The following ECT2L variants were observed in gnomAD, a reference collection of about 807,000 sequenced individuals.
ECT2L encodes the protein epithelial cell-transforming sequence 2 oncogene-like.
Under a neutral mutation model 122.8 loss-of-function variants are expected in ECT2L, and 126 were observed. The ratio of observed to expected loss-of-function variants is 1.03; its 90% CI spans 0.89 to 1.19. The LOEUF (loss-of-function observed/expected upper bound fraction) is 1.19, where lower values mean the gene tolerates loss of function less well. ECT2L is among the 50% of genes most tolerant of loss of function. ECT2L has a pLI of 0.00. For missense variants in ECT2L, 1,012 were observed against 1,064.1 expected, an observed-to-expected ratio of 0.95 and a Z score of 0.68; for synonymous variants, 385 against 381.8, an observed-to-expected ratio of 1.01 and a Z score of -0.10.
rs768541251 is a variant in ECT2L, at chr6:138,843,040, A to G, written c.404A>G (p.Asp135Gly). The change falls in exon 6 of 22, where the codon GAT (aspartate) becomes GGT (glycine). Residue 135 changes from aspartate (D) to glycine (G), a missense_variant. Coordinates refer to ENST00000541398, the MANE Select transcript of ECT2L (RefSeq NM_001077706.3). ...TGGTTTCTGCCCTATACTCCAACAG[A>G]TAATGAGTATGGTGCTTGGAAGCGC... Reference protein sequence around the residue: ...FGWFLPYTPTDNEYGAWKRHY... With the variant: ...FGWFLPYTPTGNEYGAWKRHY... The G allele has an allele frequency of 6.2e-7, 1 of 1,612,650 alleles. No individual in the cohort carries two copies.
intron 20 of ECT2L, among the ~76,000 whole-genome samples, chr6:138,891,789 AT>A (rs1779037487): frequency 7.6e-6 from 1 of 131,364 alleles, no homozygotes; most frequent in Non-Finnish European, 1.7e-5. Context: ...GGTCACCCAT[AT>A]TTGGCTCAGA....
chr6:138,877,596 T>C (rs958722410), intron 14 of ECT2L, among the ~76,000 whole-genome samples: 5 of 152,224 alleles, frequency 3.3e-5, no homozygotes, highest in Non-Finnish European at 7.3e-5. Context: ...TTTTTTACCT[T>C]ATTAGATATG....
intron 13 of ECT2L, among the ~76,000 whole-genome samples, chr6:138,869,122 G>A (rs1261992045): frequency 3.9e-5 from 6 of 152,154 alleles, no homozygotes; most frequent in South Asian, 2.1e-4. Context: ...AGCTGGGATC[G>A]TGCCATTGCA....
intron 1 of ECT2L, among the ~76,000 whole-genome samples, chr6:138,800,935 T>A (rs999617437): frequency 6.6e-6 from 1 of 152,180 alleles, no homozygotes; most frequent in Non-Finnish European, 1.5e-5. Flanking sequence ...GATGCCTTGT[T>A]GTTGCATTCT....
intron 4 of ECT2L, among the ~76,000 whole-genome samples, chr6:138,824,575 C>CAAAAAAAAAAAAAAAAAAAAAAAAAAA (rs1174829999): frequency 7.7e-6 from 1 of 130,230 alleles, no homozygotes. Flanking sequence ...AAACAAAAAA[C>CAAAAAAAAAAAAAAAAAAAAAAAAAAA]AAAAACAAAA....
intron 8 of ECT2L, among the ~76,000 whole-genome samples, chr6:138,847,127 GGGTGTGGT>G (rs1777250214): frequency 6.6e-6 from 1 of 151,206 alleles, no homozygotes; most frequent in Non-Finnish European, 1.5e-5. Flanking sequence ...AAAAATAGCC[GGGTGTGGT>G]GGTGTGTGCC....
chr6:138,875,152 G>C (rs1210554334), intron 13 of ECT2L, among the ~76,000 whole-genome samples: 1 of 152,184 alleles, frequency 6.6e-6, no homozygotes, highest in Non-Finnish European at 1.5e-5. Context: ...TACATGCCAG[G>C]CTGGTATGAG....
In ECT2L at chr6:138,902,682, A is replaced by G. The variant is rs1582681532; in HGVS notation, c.*55A>G. On this transcript the variant is annotated 3_prime_UTR_variant, in exon 22 of 22. Transcript: ENST00000541398. Reference sequence around the variant, plus strand: ...ATTCTCCCCAGCAAAGACAGACAACATGTATTTTCTGTTCCAAAATATCCA... The same window carrying G: ...ATTCTCCCCAGCAAAGACAGACAACGTGTATTTTCTGTTCCAAAATATCCA... The G allele has an allele frequency of 3.8e-6, 6 of 1,599,464 alleles. No individual in the cohort carries two copies. In the East Asian group the frequency reaches 1.3e-4, roughly 36 times the overall value.
chr6:138,888,925 T>G lies in ECT2L; in HGVS notation c.2326-18T>G, dbSNP rs201754236. 96 of 1,361,116 alleles carry G rather than the reference T, an allele frequency of 7.1e-5. No individual in the cohort carries two copies. Among genetic ancestry groups the G allele is most frequent in the Admixed American group, 2.1e-4 (8 of 38,536 alleles). 84.3% of individuals were successfully genotyped at this position (1,361,116 alleles called of 1,614,324 possible). On this transcript the variant is annotated intron_variant, in intron 19 of 21. Transcript: ENST00000541398. ...AAAAAATTTATATGTACTTCTAATT[T>G]TGTTTTTGATTTTACAGACTCTATC...
chr6:138,879,904 G>A (rs552520485), intron 14 of ECT2L, among the ~76,000 whole-genome samples: 1 of 152,220 alleles, frequency 6.6e-6, no homozygotes, highest in South Asian at 2.1e-4. Flanking sequence ...AGTGAGCTGA[G>A]ATCACACCAC....
chr6:138,798,929 A>G (rs957746658), intron 1 of ECT2L, among the ~76,000 whole-genome samples: 1 of 152,190 alleles, frequency 6.6e-6, no homozygotes, highest in Non-Finnish European at 1.5e-5. Context: ...CTGTGTTCAA[A>G]TAAGGCAAAT....
chr6:138,849,149 C>T, intron 8 of ECT2L, 120 bp from the exon 9 acceptor site: 1 of 1,022,418 alleles, frequency 9.8e-7, no homozygotes. Context: ...TATCTTCTTC[C>T]ATAATCTCTG....
In ECT2L at chr6:138,889,050, T is replaced by C; in HGVS notation, c.2414+19T>C. The C allele has an allele frequency of 7.0e-7, 1 of 1,432,194 alleles. No individual in the cohort carries two copies. The highest frequency in any genetic ancestry group is 1.4e-5 in the South Asian group (1 of 69,114). The allele number at this position is 1,432,194 out of a possible 1,614,324, so 88.7% of individuals were successfully genotyped here. ...CTTTAAGGTAAACAATAGTTAACTA[T>C]CCTAAGGCTGTGGACACCTTCCAAG... On this transcript the variant is annotated intron_variant, in intron 20 of 21. Transcript: ENST00000541398.
At chr6:138,806,362 T>C (rs1394169206) in intron 1 of ECT2L, among the ~76,000 whole-genome samples, 1 of 152,120 alleles carries the variant, frequency 6.6e-6, no homozygotes, top group Non-Finnish European at 1.5e-5. Context: ...TCCACAAGTC[T>C]CTTTGAGACA....
chr6:138,829,872 G>A lies in ECT2L; in HGVS notation c.180-8480G>A, dbSNP rs11964404. Among the ~76,000 whole-genome samples the A allele has an allele frequency of 1.8e-3, 268 of 152,022 alleles. 1 individual carries two copies. The highest frequency in any genetic ancestry group is 6.0e-3 in the African/African-American group (250 of 41,432). On this transcript the variant is annotated intron_variant, in intron 4 of 21. Transcript: ENST00000541398. ...AGAGTAGCTAGGATTACAGGCGCTCGCCACCATGCCCGGCTAATTTTTTGT... is the reference window on the plus strand; with the variant it reads ...AGAGTAGCTAGGATTACAGGCGCTCACCACCATGCCCGGCTAATTTTTTGT...
At chr6:138,862,879 C>T (rs1350978324) in intron 11 of ECT2L, among the ~76,000 whole-genome samples, 160 bp downstream of exon 11, 2 of 152,210 alleles carry the variant, frequency 1.3e-5, no homozygotes, top group East Asian at 3.8e-4. Flanking sequence ...ACTAGGTAAT[C>T]TCCTATCATT....
chr6:138,856,411 C>T (rs533189074), intron 10 of ECT2L, among the ~76,000 whole-genome samples: 1 of 152,246 alleles, frequency 6.6e-6, no homozygotes, highest in East Asian at 1.9e-4. Context: ...GACGGGGTTT[C>T]ACCATATTGG....
chr6:138,899,990 G>C (rs968278663), intron 20 of ECT2L, among the ~76,000 whole-genome samples: 47 of 152,334 alleles, frequency 3.1e-4, no homozygotes, highest in African/African-American at 1.1e-3. Context: ...GAGGATAACA[G>C]ATGGGAGGTT....
chr6:138,818,397 A>G (rs990058144), intron 4 of ECT2L, among the ~76,000 whole-genome samples: 1 of 152,052 alleles, frequency 6.6e-6, no homozygotes, highest in Non-Finnish European at 1.5e-5. Flanking sequence ...GGCTCACTTG[A>G]GGACGTCTGT....
Sources: allele counts gnomAD v4.1 joint callset (sites outside exome capture counted in the v4.1 genomes callset), GRCh38; gene constraint gnomAD v4.1.1; transcripts MANE v1.5; gene names NCBI Gene and HGNC (gene_info 2026-07-23, HGNC 2026-07-21).